NPHS1: variants seen among roughly 807,000 people sequenced by gnomAD.
NPHS1 encodes NPHS1 adhesion molecule, nephrin, also known as nephrin.
In NPHS1, 107 loss-of-function variants were observed where a neutral mutation model predicts 139.7. The observed-to-expected ratio is 0.77, with a 90% CI of 0.66 to 0.90. The LOEUF (loss-of-function observed/expected upper bound fraction) is 0.90, where lower values mean the gene tolerates loss of function less well. Among genes scored for constraint, NPHS1 ranks in the 40% least tolerant of loss-of-function variants. The pLI, the probability that NPHS1 is intolerant of heterozygous loss-of-function variation, is 0.00. For missense variants in NPHS1, 1,580 were observed against 1,654.2 expected, an observed-to-expected ratio of 0.96 and a Z score of 0.78; for synonymous variants, 707 against 706.6, an observed-to-expected ratio of 1.00 and a Z score of -0.01.
rs968723338 is a variant in NPHS1 at position 35,826,372 on chromosome 19, A to G, written c.*142T>C. The G allele has an allele frequency of 6.5e-6, 6 of 920,284 alleles. No individual in the cohort carries two copies. Among genetic ancestry groups the G allele is most frequent in the Non-Finnish European group, 8.7e-6 (5 of 577,198 alleles). 57.0% of individuals were successfully genotyped at this position (920,284 alleles called of 1,614,324 possible). A position where few individuals can be genotyped will look rare whatever the true frequency, so the allele number is the denominator to read the frequency against. On this transcript the variant is annotated 3_prime_UTR_variant, in exon 29 of 29. Transcript: ENST00000378910. Reference sequence around the variant, plus strand: ...ACCAGCTGAACCATCTCTGTCACTCAGCCCCCTCCATGTCCTCTCCTGACA... The same window carrying G: ...ACCAGCTGAACCATCTCTGTCACTCGGCCCCCTCCATGTCCTCTCCTGACA...
At position 35,849,151 on chromosome 19, in the gene NPHS1, G is replaced by T; in HGVS notation, c.841-4C>A. 1 of 1,611,216 alleles carries T rather than the reference G, an allele frequency of 6.2e-7. No individual in the cohort carries two copies. Among genetic ancestry groups the T allele is most frequent in the Non-Finnish European group, 8.5e-7 (1 of 1,180,014 alleles). On this transcript the variant is annotated splice_region_variant and splice_polypyrimidine_tract_variant and intron_variant, in intron 7 of 28. Transcript: ENST00000378910. ...CTGTGGACACCGGCTGGCCATTCTG[G>T]AGACAGGGACAGGCCTGGGCCAGCT... is the stretch of plus-strand genomic sequence containing the variant.
At chr19:35,838,162 C>G (rs1234831045) in intron 22 of NPHS1, among the ~76,000 whole-genome samples, 4 of 150,272 alleles carry the variant, frequency 2.7e-5, no homozygotes, top group Non-Finnish European at 4.4e-5. Context: ...GAAAATTGCT[C>G]AAACCCAGGA....
In NPHS1 at chr19:35,830,762, C is replaced by G; in HGVS notation, c.3594+82G>C. ...CAGGCCTCTTTGTTACAGCAGCTAG[C>G]TGGCCCTAACTAATACAAGCAATAG... On this transcript the variant is annotated intron_variant, in intron 28 of 28. Transcript: ENST00000378910. The G allele has an allele frequency of 3.4e-6, 3 of 874,324 alleles. No individual in the cohort carries two copies. In the South Asian group the frequency reaches 3.9e-5, roughly 12 times the overall value. The allele number at this position is 874,324 out of a possible 1,614,324, so 54.2% of individuals were successfully genotyped here.
chr19:35,845,499 T>G lies in NPHS1; in HGVS notation c.1799A>C (p.Lys600Thr). 1 of 1,613,374 alleles carries G rather than the reference T, an allele frequency of 6.2e-7. No individual in the cohort carries two copies. The highest frequency in any genetic ancestry group is 1.3e-5 in the African/African-American group (1 of 75,034). ...VAAPPRRAPF[K>T]GSAAARSVLL... is the part of the protein sequence containing the mutation. ...GACGCTCCTGGCGGCGGCGGAGCCT[T>G]TGAATGGGGCTCTCCGGGGTGGGGC... The change falls in exon 14 of 29, where the codon AAA becomes ACA. Residue 600 changes from lysine (K) to threonine (T), a missense_variant. Transcript: ENST00000378910. This position sits in a 1 kb window ranked among gnomAD's most constrained non-coding sequence, Gnocchi z 5.5.
intron 20 of NPHS1, among the ~76,000 whole-genome samples, chr19:35,839,999 C>CTTT (rs199882978): frequency 3.5e-5 from 5 of 144,226 alleles, no homozygotes; most frequent in African/African-American, 1.3e-4. Flanking sequence ...AAGTTTCTTT[C>CTTT]TTTTTTTTTT....
chr19:35,827,866 G>A, intron 28 of NPHS1, among the ~76,000 whole-genome samples: 1 of 152,066 alleles, frequency 6.6e-6, no homozygotes. Context: ...GCAGTGAGCT[G>A]AGATTGTGCT....
At chr19:35,843,874 G>T in intron 16 of NPHS1, 1 of 678,258 alleles carries the variant, frequency 1.5e-6, no homozygotes, top group South Asian at 1.9e-5. Flanking sequence ...GACGGGAGCA[G>T]CTTCCGTGTC....
In NPHS1 at chr19:35,845,785, G is replaced by T. The variant is rs776336302; in HGVS notation, c.1641C>A (p.Asn547Lys). 6.2e-6 allele frequency: 10 copies of T among 1,612,876 alleles called. No homozygotes were observed. Among genetic ancestry groups the T allele is most frequent in the African/African-American group, 2.7e-5 (2 of 74,914 alleles). Reference sequence around the variant, plus strand: ...CGGATGCGTTGGCCAGGATCGTCACGTTAGTTGGGGGAACTGGGAGACGGG... The same window carrying T: ...CGGATGCGTTGGCCAGGATCGTCACTTTAGTTGGGGGAACTGGGAGACGGG... ...TQLAVQFPPT[N>K]VTILANASAL... The change falls in exon 13 of 29, where the codon AAC (asparagine) becomes AAA (lysine). Residue 547 changes from asparagine to lysine, a missense_variant. Asn to Lys is a moderately conservative substitution (Grantham distance 94, BLOSUM62 0). Coordinates refer to ENST00000378910, the MANE Select transcript of NPHS1 (RefSeq NM_004646.4). The surrounding 1 kb of genome is among the most constrained non-coding windows in gnomAD (Gnocchi z 5.5).
intron 4 of NPHS1, among the ~76,000 whole-genome samples, chr19:35,850,703 C>T (rs759992666): frequency 2.0e-5 from 3 of 152,202 alleles, no homozygotes; most frequent in Non-Finnish European, 4.4e-5. Flanking sequence ...CCCTCAGCTT[C>T]TCATGTCTGC....
intron 20 of NPHS1, among the ~76,000 whole-genome samples, chr19:35,840,013 CT>C (rs1365259198): frequency 3.9e-5 from 5 of 128,444 alleles, no homozygotes; most frequent in Non-Finnish European, 5.0e-5. Flanking sequence ...TTTTTTTTTT[CT>C]TTTTTTTTAG....
intron 28 of NPHS1, among the ~76,000 whole-genome samples, chr19:35,827,939 T>A (rs1330203193): frequency 1.3e-5 from 2 of 152,014 alleles, no homozygotes; most frequent in African/African-American, 2.4e-5. Context: ...ATAAATAAAA[T>A]TTTTAAAAAT....
chr19:35,834,265 G>C (rs1045959037), intron 23 of NPHS1, among the ~76,000 whole-genome samples: 1 of 152,074 alleles, frequency 6.6e-6, no homozygotes, highest in Non-Finnish European at 1.5e-5. Context: ...GTCAAGAAGA[G>C]ACACGCGCCC....
At chr19:35,834,332 G>A (rs1972925066) in intron 23 of NPHS1, among the ~76,000 whole-genome samples, 1 of 152,134 alleles carries the variant, frequency 6.6e-6, no homozygotes, top group African/African-American at 2.4e-5. Flanking sequence ...GTGGGAAGGG[G>A]GCAACCCTAG....
chr19:35,828,051 G>C (rs16970674), intron 28 of NPHS1, among the ~76,000 whole-genome samples: 28,559 of 152,050 alleles, frequency 0.19, 2,792 homozygotes, highest in Middle Eastern at 0.24. Context: ...AATCATAATA[G>C]AAAAACAAAA....
intron 22 of NPHS1, among the ~76,000 whole-genome samples, chr19:35,836,454 G>A (rs1037330540): frequency 1.3e-5 from 2 of 152,022 alleles, no homozygotes; most frequent in African/African-American, 4.8e-5. Context: ...CACTTTCGGT[G>A]TGCAAGGTCC....
chr19:35,847,849 AT>A (rs1787835798), intron 11 of NPHS1, 191 bp downstream of exon 11: 6 of 575,540 alleles, frequency 1.0e-5, no homozygotes, highest in Admixed American at 3.4e-5. Flanking sequence ...TTTCCCCAGA[AT>A]TTTCCTAGGA....
At position 35,849,136 on chromosome 19, in the gene NPHS1, C is replaced by G. The variant is rs763233132; in HGVS notation, c.852G>C (p.Pro284=). The part of the protein sequence containing the change: ...ATLQWLKNGQ[P]VSTAWGTEHT... ...GCTCTGTGCCCCACGCTGTGGACAC[C>G]GGCTGGCCATTCTGGAGACAGGGAC... Residue 284 remains proline (P), a synonymous_variant, in exon 8 of 29, where the codon CCG becomes CCC. Coordinates refer to ENST00000378910, the MANE Select transcript of NPHS1 (RefSeq NM_004646.4). 5 of 1,609,932 alleles carry G rather than the reference C, an allele frequency of 3.1e-6. 1 individual carries two copies. In the South Asian group the frequency reaches 5.5e-5, roughly 18 times the overall value.
Position 35,848,273 on chromosome 19 carries a change from G to T in NPHS1, c.1295C>A (p.Ser432Ter). ...EAFTKETFKK[S>*]LILNVKYPAQ... ...CTCACATTTTACGTTCAGGATGAGC[G>T]ACTTCTTGAAGGTCTCCTTGGTGAA... Residue 432 changes from serine (S) to a stop codon, truncating the protein, a stop_gained, in exon 10 of 29, where the codon TCG (serine) becomes TAG (stop). Transcript: ENST00000378910. LOFTEE classifies it high-confidence loss of function. 1 of 1,614,134 alleles carries T rather than the reference G, an allele frequency of 6.2e-7. No individual in the cohort carries two copies. The highest frequency in any genetic ancestry group is 1.1e-5 in the South Asian group (1 of 91,074).
Position 35,826,378 on chromosome 19 carries a change from C to T in NPHS1, c.*136G>A, listed in dbSNP as rs1972800699. Reference sequence around the variant, plus strand: ...TGAACCATCTCTGTCACTCAGCCCCCTCCATGTCCTCTCCTGACACCAAGT... The same window carrying T: ...TGAACCATCTCTGTCACTCAGCCCCTTCCATGTCCTCTCCTGACACCAAGT... On this transcript the variant is annotated 3_prime_UTR_variant, in exon 29 of 29. Transcript: ENST00000378910. 1.0e-6 allele frequency: 1 copy of T among 992,968 alleles called. No individual in the cohort carries two copies. The highest frequency in any genetic ancestry group is 1.6e-6 in the Non-Finnish European group (1 of 636,364). The allele number at this position is 992,968 out of a possible 1,614,324, so 61.5% of individuals were successfully genotyped here. A position where few individuals can be genotyped will look rare whatever the true frequency, so the allele number is the denominator to read the frequency against.
Sources: gnomAD v4.1 joint callset for allele counts (sites outside exome capture counted in the v4.1 genomes callset) on GRCh38, gnomAD v4.1.1 for gene constraint, Gnocchi (gnomAD v3.1) non-coding constraint, MANE v1.5 for transcripts, NCBI Gene and HGNC (gene_info 2026-07-23, HGNC 2026-07-21) for gene names.